The following HDAC9 variants were observed in gnomAD, a reference collection of about 807,000 sequenced individuals.
The protein encoded by HDAC9 is histone deacetylase 9.
A neutral mutation model predicts 139.4 loss-of-function variants in HDAC9; 41 were observed. That is an observed-to-expected ratio of 0.29 (90% confidence interval 0.23 to 0.38). The LOEUF (loss-of-function observed/expected upper bound fraction) is 0.38. Ranked by LOEUF, HDAC9 falls within the 10% of genes least tolerant of loss-of-function variation. The probability of loss-of-function intolerance (pLI) is 1.00; values close to 1 mark genes in which losing one functional copy is unlikely to be tolerated. For synonymous variants in HDAC9, 517 were observed against 476.2 expected (o/e 1.09, Z -1.12); for missense variants, 1,147 against 1,297.0 (o/e 0.88, Z 1.78).
At chr7:18,652,169 C>G (rs1015889459) in intron 11 of HDAC9, among the ~76,000 whole-genome samples, 1 of 151,830 alleles carries the variant, frequency 6.6e-6, no homozygotes, top group Non-Finnish European at 1.5e-5. Flanking sequence ...TCATTTTTCC[C>G]CAATACCATG....
At chr7:18,888,122 A>G (rs10235695) in intron 22 of HDAC9, among the ~76,000 whole-genome samples, 5,193 of 152,296 alleles carry the variant, frequency 0.034, 184 homozygotes, top group African/African-American at 0.092. Flanking sequence ...AGAGCTCTAT[A>G]GAAATGAGCT....
rs377302148 is a variant in HDAC9 at position 18,863,023 on chromosome 7, C to T, written c.2685-11455C>T. ...TTTGCATATTCTTGTAATTATCATC[C>T]CCATTCTGCTTTTGTGTCTGGAGAG... is the stretch of plus-strand genomic sequence containing the variant. On this transcript the variant is annotated intron_variant, in intron 21 of 25. Coordinates refer to ENST00000686413, the MANE Select transcript of HDAC9 (RefSeq NM_178425.4). Among the ~76,000 whole-genome samples, 32 of 152,124 alleles carry T rather than the reference C, an allele frequency of 2.1e-4. No individual in the cohort carries two copies. In the Middle Eastern group the frequency reaches 0.014, roughly 65 times the overall value.
chr7:18,431,881 A>T (rs1196618707), intron 1 of HDAC9, among the ~76,000 whole-genome samples: 1 of 152,216 alleles, frequency 6.6e-6, no homozygotes, highest in Non-Finnish European at 1.5e-5. Context: ...TGGTATCTGT[A>T]GAAAGAACAC....
intron 1 of HDAC9, among the ~76,000 whole-genome samples, chr7:18,294,785 A>T (rs1171001509): frequency 6.6e-6 from 1 of 152,178 alleles, no homozygotes; most frequent in East Asian, 1.9e-4. Context: ...GAGTAGACAC[A>T]TGGAAATAGG....
At chr7:18,304,178 T>G (rs1798761855) in intron 1 of HDAC9, among the ~76,000 whole-genome samples, 1 of 152,230 alleles carries the variant, frequency 6.6e-6, no homozygotes, top group Non-Finnish European at 1.5e-5. Flanking sequence ...GTTCAGCATT[T>G]AAATATACCA....
At chr7:18,832,861 G>A (rs901580439) in intron 19 of HDAC9, among the ~76,000 whole-genome samples, 5 of 151,968 alleles carry the variant, frequency 3.3e-5, no homozygotes, top group South Asian at 2.1e-4. Flanking sequence ...TCAGCCTCCC[G>A]AGTAGCTGGG....
chr7:18,733,550 T>C (rs990145873), intron 13 of HDAC9, among the ~76,000 whole-genome samples: 2 of 151,688 alleles, frequency 1.3e-5, no homozygotes, highest in Non-Finnish European at 2.9e-5. Context: ...AGCTATCTTC[T>C]TTATTTAGGA....
At chr7:18,344,101 CAG>C (rs1367659780) in intron 1 of HDAC9, among the ~76,000 whole-genome samples, 1 of 151,684 alleles carries the variant, frequency 6.6e-6, no homozygotes, top group African/African-American at 2.4e-5. Flanking sequence ...TGGCCTTTGA[CAG>C]AAAATATTCA....
At chr7:18,953,496 C>G (rs1386727384) in intron 23 of HDAC9, among the ~76,000 whole-genome samples, 2 of 152,028 alleles carry the variant, frequency 1.3e-5, no homozygotes, top group Non-Finnish European at 2.9e-5. Context: ...TAGTGTAATT[C>G]CAGAAGATTA....
At chr7:18,255,815 G>A (rs1253802441) in intron 2 of HDAC9, among the ~76,000 whole-genome samples, 1 of 151,888 alleles carries the variant, frequency 6.6e-6, no homozygotes, top group Non-Finnish European at 1.5e-5. Flanking sequence ...TTTGGGTAGA[G>A]ACGGGGTTTC....
intron 25 of HDAC9, among the ~76,000 whole-genome samples, chr7:18,978,182 A>C (rs753630979): frequency 2.6e-5 from 4 of 152,186 alleles, no homozygotes; most frequent in African/African-American, 4.8e-5. Flanking sequence ...AAAAGAGTGA[A>C]GGCAAGATTC....
intron 24 of HDAC9, among the ~76,000 whole-genome samples, chr7:18,973,760 T>A (rs1784389760): frequency 1.3e-5 from 2 of 152,208 alleles, no homozygotes; most frequent in Admixed American, 6.5e-5. Flanking sequence ...CAAATCTCTC[T>A]TAGTGTCTTC....
chr7:18,725,199 A>C (rs1327127532), intron 12 of HDAC9, among the ~76,000 whole-genome samples: 1 of 152,206 alleles, frequency 6.6e-6, no homozygotes, highest in Non-Finnish European at 1.5e-5. Flanking sequence ...AAAAAAATGA[A>C]TCTAATCATA....
In HDAC9 at chr7:18,843,156, A is replaced by G. The variant is rs561565104; in HGVS notation, c.2684+7159A>G. Among the ~76,000 whole-genome samples, 14 of 152,220 alleles carry G rather than the reference A, an allele frequency of 9.2e-5. No individual in the cohort carries two copies. The East Asian group carries it at 2.7e-3, about 29-fold the overall frequency. ...ATGGGGACTAATTAAAAGGATATCTATGTTTAATTCTTTTCTCTAGAAGTT... is the reference window on the plus strand; with the variant it reads ...ATGGGGACTAATTAAAAGGATATCTGTGTTTAATTCTTTTCTCTAGAAGTT... On this transcript the variant is annotated intron_variant, in intron 21 of 25. Transcript: ENST00000686413.
intron 6 of HDAC9, among the ~76,000 whole-genome samples, chr7:18,614,957 G>T (rs1234970105): frequency 1.3e-5 from 2 of 152,162 alleles, no homozygotes; most frequent in African/African-American, 4.8e-5. Flanking sequence ...TCAAGTAAAG[G>T]AGAATGATAC....
At chr7:18,139,034 G>T (rs1302381313) in intron 1 of HDAC9, among the ~76,000 whole-genome samples, 1 of 150,942 alleles carries the variant, frequency 6.6e-6, no homozygotes, top group Admixed American at 6.6e-5. Context: ...TCTTTTAAAT[G>T]ATTCATTCTA....
At chr7:18,243,687 G>C (rs1794338432) in intron 2 of HDAC9, among the ~76,000 whole-genome samples, 1 of 152,188 alleles carries the variant, frequency 6.6e-6, no homozygotes, top group African/African-American at 2.4e-5. Flanking sequence ...CTACATGTTT[G>C]TTTTGTTTAC....
chr7:18,800,675 A>T (rs988781824), intron 17 of HDAC9, among the ~76,000 whole-genome samples: 1 of 152,064 alleles, frequency 6.6e-6, no homozygotes, highest in Non-Finnish European at 1.5e-5. Context: ...TCTACAAAAA[A>T]TACAAAAATT....
At chr7:18,322,914 G>A (rs1191101900) in intron 1 of HDAC9, among the ~76,000 whole-genome samples, 2 of 152,106 alleles carry the variant, frequency 1.3e-5, no homozygotes, top group African/African-American at 4.8e-5. Flanking sequence ...GGAAGGGCTG[G>A]GAAGTTGGCT....
Sources: allele counts gnomAD v4.1 joint callset (sites outside exome capture counted in the v4.1 genomes callset), GRCh38; gene constraint gnomAD v4.1.1; transcripts MANE v1.5; gene names NCBI Gene and HGNC (gene_info 2026-07-23, HGNC 2026-07-21).